GRAMD1B: variants seen among roughly 807,000 people sequenced by gnomAD.
The protein encoded by GRAMD1B is protein Aster-B.
A neutral mutation model predicts 99.7 loss-of-function variants in GRAMD1B; 37 were observed. The ratio of observed to expected loss-of-function variants is 0.37; its 90% CI spans 0.29 to 0.49. The LOEUF is 0.49. Among genes scored for constraint, GRAMD1B ranks in the 20% least tolerant of loss-of-function variants. GRAMD1B has a pLI of 0.98. For missense variants in GRAMD1B, 888 were observed against 1,009.2 expected (o/e 0.88, Z 1.63); for synonymous variants, 427 against 387.6 (o/e 1.10, Z -1.19).
chr11:123,489,102 CTGTCCATTTA>C (rs1228452501), intron 2 of GRAMD1B, among the ~76,000 whole-genome samples: 1 of 151,708 alleles, frequency 6.6e-6, no homozygotes, highest in Non-Finnish European at 1.5e-5. Context: ...CCCAGGGAGC[CTGTCCATTTA>C]TGTCCCCAGA....
At chr11:123,562,565 T>C (rs532129371) in intron 2 of GRAMD1B, among the ~76,000 whole-genome samples, 1 of 152,374 alleles carries the variant, frequency 6.6e-6, no homozygotes, top group Admixed American at 6.5e-5. Flanking sequence ...GATTTTCACA[T>C]GTCACAAAAT....
chr11:123,449,223 A>G (rs1460966903), intron 1 of GRAMD1B, among the ~76,000 whole-genome samples: 2 of 152,144 alleles, frequency 1.3e-5, no homozygotes, highest in African/African-American at 4.8e-5. Context: ...CTCGCATTGT[A>G]TCGTTTATTA....
chr11:123,421,177 G>C (rs561763727), intron 1 of GRAMD1B, among the ~76,000 whole-genome samples: 4 of 152,320 alleles, frequency 2.6e-5, no homozygotes, highest in Non-Finnish European at 4.4e-5. Context: ...AAAGCAAAAA[G>C]GCCTCCCCAA....
At chr11:123,451,847 A>AT (rs922292708) in intron 1 of GRAMD1B, among the ~76,000 whole-genome samples, 3 of 149,380 alleles carry the variant, frequency 2.0e-5, no homozygotes, top group African/African-American at 7.5e-5. Flanking sequence ...TTATATATAT[A>AT]TATGTATGTA....
upstream of GRAMD1B, among the ~76,000 whole-genome samples, chr11:123,426,409 G>A (rs560481067): frequency 6.6e-6 from 1 of 152,300 alleles, no homozygotes; most frequent in East Asian, 1.9e-4. Context: ...CTCTTGCTCA[G>A]CAGCAAAATG....
At chr11:123,368,441 G>A (rs1471961297) in intron 1 of GRAMD1B, among the ~76,000 whole-genome samples, 2 of 151,572 alleles carry the variant, frequency 1.3e-5, no homozygotes, top group Admixed American at 6.6e-5. Context: ...AGCACTTTAG[G>A]AGGCTGAGAT....
At chr11:123,525,509 C>G (rs1942622885) in intron 2 of GRAMD1B, 1 of 152,658 alleles carries the variant, frequency 6.6e-6, no homozygotes, top group Admixed American at 6.5e-5. Flanking sequence ...CTCTTCCTTC[C>G]TGGCACCACA....
intron 2 of GRAMD1B, among the ~76,000 whole-genome samples, chr11:123,501,361 C>T (rs987723428): frequency 5.3e-5 from 8 of 151,290 alleles, no homozygotes; most frequent in Non-Finnish European, 8.9e-5. Flanking sequence ...ACTAGAGATG[C>T]GGTCTCATCA....
At chr11:123,407,475 C>T (rs996261734) in intron 1 of GRAMD1B, among the ~76,000 whole-genome samples, 1 of 152,200 alleles carries the variant, frequency 6.6e-6, no homozygotes, top group African/African-American at 2.4e-5. Flanking sequence ...GTGAAACCTG[C>T]AGGCTCTTGG....
intron 17 of GRAMD1B, among the ~76,000 whole-genome samples, chr11:123,615,846 G>A (rs1954300566): frequency 6.6e-6 from 1 of 152,200 alleles, no homozygotes; most frequent in Non-Finnish European, 1.5e-5. Flanking sequence ...CATCCATAGA[G>A]AGTATAGCAT....
chr11:123,439,932 G>A (rs1385795117), intron 1 of GRAMD1B, among the ~76,000 whole-genome samples: 1 of 152,142 alleles, frequency 6.6e-6, no homozygotes, highest in Admixed American at 6.5e-5. Flanking sequence ...TGAGGGAGAT[G>A]ACTAGAAAAA....
chr11:123,419,073 G>C lies in GRAMD1B; in HGVS notation c.-176+60274G>C, dbSNP rs115474086. 1.4e-3 allele frequency among the ~76,000 whole-genome samples: 216 copies of C among 152,308 alleles called. 1 individual carries two copies. Among genetic ancestry groups the C allele is most frequent in the African/African-American group, 5.1e-3 (212 of 41,564 alleles). Reference sequence around the variant, plus strand: ...TGCTTTGAGATTTTTTTATGCTAGTGAAGATTGATTAATAAATGAATATTG... The same window carrying C: ...TGCTTTGAGATTTTTTTATGCTAGTCAAGATTGATTAATAAATGAATATTG... On this transcript the variant is annotated intron_variant, in intron 1 of 20. Coordinates refer to the GRAMD1B transcript ENST00000638157.
chr11:123,480,641 G>T (rs1393905708), intron 1 of GRAMD1B, 175 bp from the exon 2 acceptor site: 2 of 384,334 alleles, frequency 5.2e-6, no homozygotes, highest in East Asian at 7.4e-5. Context: ...TATCAGCCTT[G>T]TGTCATTTCT....
intron 6 of GRAMD1B, among the ~76,000 whole-genome samples, chr11:123,595,356 C>T (rs574098810): frequency 6.6e-6 from 1 of 151,868 alleles, no homozygotes; most frequent in East Asian, 1.9e-4. Flanking sequence ...ATCTTGGCTC[C>T]CTGCAACCTC....
In GRAMD1B at chr11:123,382,125, T is replaced by C. The variant is rs558817175; in HGVS notation, c.-176+23326T>C. 7.9e-5 allele frequency among the ~76,000 whole-genome samples: 12 copies of C among 152,184 alleles called. No homozygotes were observed. The South Asian group carries it at 1.7e-3, about 21-fold the overall frequency. On this transcript the variant is annotated intron_variant, in intron 1 of 20. Transcript: ENST00000638157. ...AAAAGCTAGGGGATTTTTCTGGGGA[T>C]TGGGGGGAAGGGAGTTCAAGGAAGC...
chr11:123,619,364 T>C, intron 19 of GRAMD1B, 140 bp downstream of exon 19: 1 of 1,516,290 alleles, frequency 6.6e-7, no homozygotes, highest in Non-Finnish European at 8.8e-7. Flanking sequence ...GGCCATGCAT[T>C]GTTCTAAATG....
intron 2 of GRAMD1B, among the ~76,000 whole-genome samples, chr11:123,549,010 C>T (rs529652968): frequency 2.7e-4 from 41 of 152,294 alleles, no homozygotes; most frequent in Middle Eastern, 6.8e-3. Flanking sequence ...GGCAGTGTAG[C>T]TGTTCTTCTC....
chr11:123,533,671 C>T (rs921181296), intron 2 of GRAMD1B, among the ~76,000 whole-genome samples: 2 of 152,200 alleles, frequency 1.3e-5, no homozygotes, highest in African/African-American at 2.4e-5. Flanking sequence ...AAATAATCCA[C>T]CCGCCTGAGC....
chr11:123,402,952 C>G (rs1013003232), intron 1 of GRAMD1B, among the ~76,000 whole-genome samples: 2 of 141,954 alleles, frequency 1.4e-5, no homozygotes, highest in African/African-American at 5.7e-5. Context: ...TATATATACC[C>G]AAAGGATTAA....
Sources: allele counts gnomAD v4.1 joint callset (sites outside exome capture counted in the v4.1 genomes callset), GRCh38; gene constraint gnomAD v4.1.1; transcripts MANE v1.5; gene names NCBI Gene and HGNC (gene_info 2026-07-23, HGNC 2026-07-21).